Variants in FKTN observed in about 807,000 individuals in gnomAD.
The protein encoded by FKTN is ribitol-5-phosphate transferase FKTN.
FKTN carries 47 observed loss-of-function variants against 58.6 expected under a neutral mutation model. That is an observed-to-expected ratio of 0.80 (90% CI 0.63 to 1.02). FKTN has a LOEUF of 1.02. Ranked by LOEUF, FKTN falls within the 50% of genes least tolerant of loss-of-function variation. The pLI is 0.00. For missense variants in FKTN, 516 were observed against 537.3 expected (o/e 0.96, Z 0.39); for synonymous variants, 178 against 191.9 (o/e 0.93, Z 0.60).
rs369243107 is a variant in FKTN at position 105,601,120 on chromosome 9, C to T, written c.166-25C>T. On this transcript the variant is annotated intron_variant, in intron 4 of 10. Transcript: ENST00000357998. ...CTGTTGTGTTGGCTTACTGGAATTA[C>T]GAGAATTCTTTTTCTCTCAAACAGC... 537 of 1,341,722 alleles carry T rather than the reference C, an allele frequency of 4.0e-4. 10 individuals carry two copies. The South Asian group carries it at 4.6e-3, about 11-fold the overall frequency. The allele number at this position is 1,341,722 out of a possible 1,614,324, so 83.1% of individuals were successfully genotyped here.
At chr9:105,565,605 TA>T (rs1385178891) in intron 1 of FKTN, among the ~76,000 whole-genome samples, 1 of 151,858 alleles carries the variant, frequency 6.6e-6, no homozygotes, top group Non-Finnish European at 1.5e-5. Context: ...CTAACTGTCT[TA>T]AATATATATG....
At chr9:105,618,554 T>TA (rs1283997400) in intron 9 of FKTN, among the ~76,000 whole-genome samples, 1 of 152,168 alleles carries the variant, frequency 6.6e-6, no homozygotes, top group African/African-American at 2.4e-5. Flanking sequence ...GGGATAGAAA[T>TA]ATAGAATCAT....
In FKTN at chr9:105,563,602, G is replaced by T. The variant is rs966693368; in HGVS notation, c.-181+5437G>T. Among the ~76,000 whole-genome samples the T allele has an allele frequency of 9.1e-3, 1,390 of 151,990 alleles. 21 individuals carry two copies. Among genetic ancestry groups the T allele is most frequent in the African/African-American group, 0.032 (1,320 of 41,488 alleles). On this transcript the variant is annotated intron_variant, in intron 1 of 10. Coordinates refer to ENST00000357998, the MANE Select transcript of FKTN (RefSeq NM_001079802.2). ...ACTGCAACGTGGCAGCGAGGCTGGG[G>T]GGGGGGGCACCCGCCATTGCTGAGG...
intron 10 of FKTN, among the ~76,000 whole-genome samples, chr9:105,621,101 C>T (rs1410952121): frequency 6.6e-6 from 1 of 152,062 alleles, no homozygotes; most frequent in African/African-American, 2.4e-5. Context: ...AGAGAAAAAG[C>T]TTCTTTCATT....
At chr9:105,573,288 A>G (rs1233493081) in intron 1 of FKTN, among the ~76,000 whole-genome samples, 1 of 152,066 alleles carries the variant, frequency 6.6e-6, no homozygotes, top group African/African-American at 2.4e-5. Flanking sequence ...ATTCAATGTT[A>G]TAACAGAAAA....
Position 105,640,458 on chromosome 9 carries a change from C to G in FKTN, c.*5194C>G. 1 of 181,624 alleles carries G rather than the reference C, an allele frequency of 5.5e-6. No homozygotes were observed. Among genetic ancestry groups the G allele is most frequent in the Non-Finnish European group, 1.1e-5 (1 of 87,810 alleles). The allele number at this position is 181,624 out of a possible 1,614,324, so 11.3% of individuals were successfully genotyped here. A position where few individuals can be genotyped will look rare whatever the true frequency, so the allele number is the denominator to read the frequency against. ...GTCCCAGCTACACAGGAGGCTGAGG[C>G]AGGAGAATCACTTGAACCCGGGAAG... On this transcript the variant is annotated 3_prime_UTR_variant, in exon 11 of 11. Transcript: ENST00000357998.
chr9:105,586,360 G>A (rs1843906315), intron 3 of FKTN, among the ~76,000 whole-genome samples: 1 of 152,190 alleles, frequency 6.6e-6, no homozygotes, highest in Non-Finnish European at 1.5e-5. Flanking sequence ...AGCATTGTCT[G>A]TGGGCGCCAA....
chr9:105,623,284 A>G (rs778371352), intron 10 of FKTN: 31 of 152,288 alleles, frequency 2.0e-4, no homozygotes, highest in Non-Finnish European at 3.7e-4. Context: ...CCAAGCTTTT[A>G]TATGTGTTAT....
chr9:105,633,126 A>G (rs951889648), intron 10 of FKTN, among the ~76,000 whole-genome samples: 1 of 152,208 alleles, frequency 6.6e-6, no homozygotes, highest in Non-Finnish European at 1.5e-5. Flanking sequence ...GGATTGAAAA[A>G]TAATTGGGGA....
intron 3 of FKTN, among the ~76,000 whole-genome samples, chr9:105,582,562 G>T (rs772180528): frequency 6.6e-6 from 1 of 152,160 alleles, no homozygotes; most frequent in Admixed American, 6.5e-5. Flanking sequence ...AATATCTAAT[G>T]TGTATAGCTG....
intron 10 of FKTN, among the ~76,000 whole-genome samples, chr9:105,628,312 C>T (rs1387523936): frequency 3.9e-5 from 6 of 152,054 alleles, no homozygotes; most frequent in African/African-American, 1.4e-4. Flanking sequence ...CTCCAAACCG[C>T]TAGTAAGTAG....
intron 10 of FKTN, among the ~76,000 whole-genome samples, chr9:105,628,245 T>C (rs1452985017): frequency 6.6e-6 from 1 of 152,176 alleles, no homozygotes; most frequent in Non-Finnish European, 1.5e-5. Context: ...TTCTGCTCTG[T>C]TTATGCGTTT....
In FKTN at chr9:105,640,945, A is replaced by C. The variant is rs1834381440; in HGVS notation, c.*5681A>C. ...TATATATGAATTTCTAAACAAAGTGATATTTTAAAGATGAATTGATTCAAT... is the reference window on the plus strand; with the variant it reads ...TATATATGAATTTCTAAACAAAGTGCTATTTTAAAGATGAATTGATTCAAT... On this transcript the variant is annotated 3_prime_UTR_variant, in exon 11 of 11. Coordinates refer to ENST00000357998, the MANE Select transcript of FKTN (RefSeq NM_001079802.2). 6.6e-6 allele frequency: 1 copy of C among 152,212 alleles called. No homozygotes were observed. Among genetic ancestry groups the C allele is most frequent in the Non-Finnish European group, 1.5e-5 (1 of 68,022 alleles). The allele number at this position is 152,212 out of a possible 1,614,324, so 9.4% of individuals were successfully genotyped here.
intron 3 of FKTN, among the ~76,000 whole-genome samples, chr9:105,579,075 G>A (rs1842349668): frequency 6.6e-6 from 1 of 151,612 alleles, no homozygotes; most frequent in Admixed American, 6.6e-5. Context: ...TATTAGTCTT[G>A]CTAGTGGTCT....
intron 1 of FKTN, among the ~76,000 whole-genome samples, chr9:105,572,801 C>T (rs891626441): frequency 6.6e-6 from 1 of 152,246 alleles, no homozygotes; most frequent in Non-Finnish European, 1.5e-5. Flanking sequence ...TACACATTCT[C>T]TGCCTTTCTC....
chr9:105,604,183 T>C (rs770607275), intron 5 of FKTN, 32 bp from the exon 6 acceptor site: 2 of 1,609,962 alleles, frequency 1.2e-6, no homozygotes, highest in African/African-American at 1.3e-5. Flanking sequence ...TTAAGTGTTG[T>C]TTCTTGATGT....
intron 10 of FKTN, among the ~76,000 whole-genome samples, chr9:105,625,240 AT>A (rs1250375892): frequency 2.6e-5 from 4 of 152,212 alleles, no homozygotes; most frequent in South Asian, 4.1e-4. Context: ...AAGAGTACTG[AT>A]TCTTTGGAAG....
At position 105,604,321 on chromosome 9, in the gene FKTN, C is replaced by T. The variant is rs763683865; in HGVS notation, c.476C>T (p.Pro159Leu). The change falls in exon 6 of 11, where the codon CCC (proline) becomes CTC (leucine). Residue 159 changes from proline to leucine, a missense_variant. Physicochemically the swap from Pro to Leu is moderately conservative, Grantham distance 98. Transcript: ENST00000357998. ...GIDSLSGTEIPLHYICKLATH... is the reference protein window; with the variant it reads ...GIDSLSGTEILLHYICKLATH... ...GACTCACTCTCTGGAACTGAAATCCCCCTGCACTATATCTGCAAACTGGCC... is the reference window on the plus strand; with the variant it reads ...GACTCACTCTCTGGAACTGAAATCCTCCTGCACTATATCTGCAAACTGGCC... 2.5e-6 allele frequency: 4 copies of T among 1,614,058 alleles called. No individual in the cohort carries two copies. In the East Asian group the frequency reaches 8.9e-5, roughly 36 times the overall value.
chr9:105,573,864 G>T (rs1841215845), intron 2 of FKTN, 118 bp downstream of exon 2: 1 of 152,206 alleles, frequency 6.6e-6, no homozygotes, highest in South Asian at 2.1e-4. Context: ...ATGGTACAAA[G>T]TGTGTAAGTC....
Sources: allele counts gnomAD v4.1 joint callset (sites outside exome capture counted in the v4.1 genomes callset), GRCh38; gene constraint gnomAD v4.1.1; transcripts MANE v1.5; gene names NCBI Gene and HGNC (gene_info 2026-07-23, HGNC 2026-07-21).